The following PRH1 variants were observed in gnomAD, a reference collection of about 807,000 sequenced individuals.
PRH1 encodes salivary acidic proline-rich phosphoprotein 1/2.
In PRH1, 7 loss-of-function variants were observed where a neutral mutation model predicts 7.9. The observed-to-expected ratio is 0.89, with a 90% CI of 0.50 to 1.67. PRH1 has a LOEUF of 1.67. Ranked by LOEUF, PRH1 falls within the 40% of genes most tolerant of loss-of-function variation. The pLI, the probability that PRH1 is intolerant of heterozygous loss-of-function variation, is 0.00. For synonymous variants in PRH1, 45 were observed against 80.8 expected (o/e 0.56, Z 2.38); for missense variants, 109 against 223.6 (o/e 0.49, Z 3.27).
intron 1 of PRH1, among the ~76,000 whole-genome samples, chr12:11,163,390 T>C (rs1178498275): frequency 1.3e-5 from 2 of 152,314 alleles, no homozygotes; most frequent in Non-Finnish European, 2.9e-5. Flanking sequence ...TGAACCTGTC[T>C]GATGGATGAT....
chr12:11,156,474 T>C (rs965131931), intron 1 of PRH1, among the ~76,000 whole-genome samples: 1 of 152,192 alleles, frequency 6.6e-6, no homozygotes, highest in African/African-American at 2.4e-5. Flanking sequence ...ACTCCAAAAG[T>C]ATGTTAAGCC....
intron 1 of PRH1, among the ~76,000 whole-genome samples, chr12:11,146,218 T>C (rs1312221497): frequency 6.6e-6 from 1 of 152,126 alleles, no homozygotes; most frequent in Non-Finnish European, 1.5e-5. Flanking sequence ...TTTACACATT[T>C]TTTTTCTTTC....
At chr12:11,067,506 G>C (rs1165248855) in intron 1 of PRH1, among the ~76,000 whole-genome samples, 1 of 152,130 alleles carries the variant, frequency 6.6e-6, no homozygotes, top group Non-Finnish European at 1.5e-5. Context: ...ATTCATATTA[G>C]CATTAAGAAG....
intron 1 of PRH1, among the ~76,000 whole-genome samples, chr12:11,135,346 T>C (rs1946517221): frequency 6.6e-6 from 1 of 152,110 alleles, no homozygotes; most frequent in Non-Finnish European, 1.5e-5. Context: ...TCTTTCCATT[T>C]ACTATGAGAA....
intron 1 of PRH1, among the ~76,000 whole-genome samples, chr12:11,019,645 T>C (rs1463140648): frequency 6.6e-6 from 1 of 152,278 alleles, no homozygotes; most frequent in Non-Finnish European, 1.5e-5. Context: ...CTAGAAAATA[T>C]CATAATACAA....
chr12:11,101,302 A>C (rs536697773), intron 1 of PRH1, among the ~76,000 whole-genome samples: 32 of 152,328 alleles, frequency 2.1e-4, no homozygotes, highest in African/African-American at 7.5e-4. Context: ...TGCCTGGGCA[A>C]CATGGAAAAA....
intron 2 of PRH1, among the ~76,000 whole-genome samples, chr12:10,905,025 A>AC (rs1032237884): frequency 5.3e-5 from 8 of 151,448 alleles, no homozygotes; most frequent in South Asian, 2.1e-4. Context: ...AAAAAAAAAA[A>AC]AACAGATGCT....
At chr12:11,073,010 T>A (rs1335885648) in intron 1 of PRH1, among the ~76,000 whole-genome samples, 3 of 150,992 alleles carry the variant, frequency 2.0e-5, no homozygotes, top group Non-Finnish European at 4.4e-5. Context: ...TACTTGAACG[T>A]TAAATAGAAA....
intron 1 of PRH1, among the ~76,000 whole-genome samples, chr12:11,032,322 A>G (rs1050260425): frequency 1.3e-5 from 2 of 152,226 alleles, no homozygotes; most frequent in African/African-American, 4.8e-5. Flanking sequence ...AACTAAGATC[A>G]TCACCAATGC....
rs377044173 is a variant in PRH1, at chr12:10,896,109, A to G, written c.-58-11834T>C. 1.4e-4 allele frequency among the ~76,000 whole-genome samples: 21 copies of G among 152,326 alleles called. No individual in the cohort carries two copies. In the East Asian group the frequency reaches 3.9e-3, roughly 28 times the overall value. On this transcript the variant is annotated intron_variant, in intron 2 of 3. Transcript: ENST00000539853. ...TATCAGCTAGTGATTTTCAAGGCAA[A>G]TATTATATTCCCTGCTACTATTGAC... is the stretch of plus-strand genomic sequence containing the variant.
rs757620209 is a variant in PRH1 at position 11,030,486 on chromosome 12, T to C, written c.-126+16534A>G. 6.2e-6 allele frequency: 10 copies of C among 1,614,288 alleles called. No homozygotes were observed. Among genetic ancestry groups the C allele is most frequent in the Middle Eastern group, 1.6e-4 (1 of 6,062 alleles). ...GAAAGAAAAGTCTGCTTTAGCTTCT[T>C]GTTTCCCCAAATCAGGATGAATGGG... On this transcript the variant is annotated intron_variant, in intron 1 of 3. Coordinates refer to the PRH1 transcript ENST00000539853.
At chr12:10,987,962 G>A (rs551242844) in intron 1 of PRH1, among the ~76,000 whole-genome samples, 6 of 152,186 alleles carry the variant, frequency 3.9e-5, no homozygotes, top group Non-Finnish European at 8.8e-5. Flanking sequence ...ATTTCACACC[G>A]AGGTTTGAGA....
At chr12:10,976,557 G>A (rs1471395053) in intron 1 of PRH1, among the ~76,000 whole-genome samples, 3 of 150,796 alleles carry the variant, frequency 2.0e-5, no homozygotes, top group Non-Finnish European at 4.4e-5. Flanking sequence ...CAGAAGACAA[G>A]GAATAACCAA....
intron 2 of PRH1, among the ~76,000 whole-genome samples, chr12:10,970,384 G>C (rs1169828247): frequency 6.6e-6 from 1 of 151,972 alleles, no homozygotes; most frequent in Non-Finnish European, 1.5e-5. Context: ...ATAATTTATT[G>C]AAAATTCAGT....
At chr12:11,002,423 A>G (rs909023097) in intron 1 of PRH1, among the ~76,000 whole-genome samples, 24 of 152,216 alleles carry the variant, frequency 1.6e-4, no homozygotes, top group Middle Eastern at 3.4e-3. Flanking sequence ...ATGTATTTCC[A>G]ATGATTTACT....
At chr12:10,984,308 G>C (rs1398148966) in intron 1 of PRH1, among the ~76,000 whole-genome samples, 1 of 152,098 alleles carries the variant, frequency 6.6e-6, no homozygotes, top group Non-Finnish European at 1.5e-5. Flanking sequence ...GGCTATCTTA[G>C]AGTGGTATTT....
At chr12:10,975,585 T>G (rs1275150381) in intron 1 of PRH1, among the ~76,000 whole-genome samples, 3 of 151,950 alleles carry the variant, frequency 2.0e-5, no homozygotes, top group Non-Finnish European at 4.4e-5. Context: ...TAACCTCGAA[T>G]GTAAAAAGGC....
chr12:11,047,625 C>T (rs115645663), upstream of PRH1, among the ~76,000 whole-genome samples: 2,308 of 152,042 alleles, frequency 0.015, 17 homozygotes, highest in South Asian at 0.031. Context: ...TATCTTCATT[C>T]CTATTATAGA....
At chr12:10,946,677 A>G (rs1196206240) in intron 2 of PRH1, among the ~76,000 whole-genome samples, 1 of 152,076 alleles carries the variant, frequency 6.6e-6, no homozygotes, top group Non-Finnish European at 1.5e-5. Context: ...ATCTTCTGCT[A>G]GCTTCGGGGT....
Sources: allele counts gnomAD v4.1 joint callset (sites outside exome capture counted in the v4.1 genomes callset), GRCh38; gene constraint gnomAD v4.1.1; transcripts MANE v1.5; gene names NCBI Gene and HGNC (gene_info 2026-07-23, HGNC 2026-07-21).